TAOK3: variants seen among roughly 807,000 people sequenced by gnomAD.
The protein encoded by TAOK3 is TAO kinase 3.
A neutral mutation model predicts 120.4 loss-of-function variants in TAOK3; 40 were observed. That is an observed-to-expected ratio of 0.33 (90% CI 0.26 to 0.43). The LOEUF (loss-of-function observed/expected upper bound fraction) is 0.43, where lower values mean the gene tolerates loss of function less well. Among genes scored for constraint, TAOK3 ranks in the 20% least tolerant of loss-of-function variants. The probability of loss-of-function intolerance (pLI) is 1.00; values close to 1 mark genes in which losing one functional copy is unlikely to be tolerated. For missense variants in TAOK3, 821 were observed against 1,112.1 expected (o/e 0.74, Z 3.72); for synonymous variants, 355 against 387.5 (o/e 0.92, Z 0.99).
intron 3 of TAOK3, among the ~76,000 whole-genome samples, chr12:118,250,288 G>A (rs1054977644): frequency 6.6e-5 from 10 of 151,968 alleles, no homozygotes; most frequent in African/African-American, 9.7e-5. Flanking sequence ...AATTACTTAC[G>A]TAAATCCAAA....
At chr12:118,193,960 T>C (rs353893) in intron 13 of TAOK3, among the ~76,000 whole-genome samples, 109,741 of 152,126 alleles carry the variant, frequency 0.72, 39,682 homozygotes, top group South Asian at 0.77. Flanking sequence ...ACTTAGTAGG[T>C]ATTCAGTAAA....
intron 19 of TAOK3, among the ~76,000 whole-genome samples, chr12:118,156,898 C>G (rs536007721): frequency 1.3e-5 from 2 of 152,162 alleles, no homozygotes; most frequent in Admixed American, 6.5e-5. Flanking sequence ...TGCCACCAAG[C>G]CCAACTGATT....
intron 1 of TAOK3, among the ~76,000 whole-genome samples, chr12:118,295,899 T>C (rs777577381): frequency 5.2e-4 from 79 of 152,226 alleles, no homozygotes; most frequent in Non-Finnish European, 8.4e-4. Flanking sequence ...ATCATTGTTC[T>C]AGTATTAAAA....
At chr12:118,198,596 A>G (rs372717549) in intron 13 of TAOK3, 74 of 172,542 alleles carry the variant, frequency 4.3e-4, no homozygotes, top group Middle Eastern at 3.0e-3. Context: ...CATGTTGGCC[A>G]GGCTGGTCTC....
chr12:118,355,275 A>C (rs1187859985), intron 1 of TAOK3, among the ~76,000 whole-genome samples: 1 of 152,228 alleles, frequency 6.6e-6, no homozygotes. Flanking sequence ...TAAAATCTTA[A>C]GACACAGTCC....
At chr12:118,192,744 A>C (rs1235020061) in intron 13 of TAOK3, among the ~76,000 whole-genome samples, 1 of 152,250 alleles carries the variant, frequency 6.6e-6, no homozygotes. Context: ...AGAGACCACT[A>C]TACCTGGCTC....
At chr12:118,351,371 C>T (rs1470992541) in intron 1 of TAOK3, among the ~76,000 whole-genome samples, 3 of 152,034 alleles carry the variant, frequency 2.0e-5, no homozygotes, top group African/African-American at 7.2e-5. Context: ...AAACATAGTC[C>T]TATTCAGCAC....
At chr12:118,191,150 G>C (rs926409174) in intron 13 of TAOK3, among the ~76,000 whole-genome samples, 1 of 152,092 alleles carries the variant, frequency 6.6e-6, no homozygotes, top group Non-Finnish European at 1.5e-5. Context: ...TTTTATTATA[G>C]TCCAAAATTT....
chr12:118,365,158 G>A (rs1372155279), intron 1 of TAOK3, among the ~76,000 whole-genome samples: 1 of 152,196 alleles, frequency 6.6e-6, no homozygotes, highest in Admixed American at 6.5e-5. Flanking sequence ...ACTGTATCTT[G>A]CTGTTTTTTA....
chr12:118,178,180 G>C (rs2036467631), intron 15 of TAOK3, among the ~76,000 whole-genome samples: 1 of 152,144 alleles, frequency 6.6e-6, no homozygotes, highest in South Asian at 2.1e-4. Flanking sequence ...TCAAATGCTT[G>C]GCCTCAAGCT....
At chr12:118,324,084 C>T (rs1376510838) in intron 1 of TAOK3, among the ~76,000 whole-genome samples, 1 of 152,012 alleles carries the variant, frequency 6.6e-6, no homozygotes, top group African/African-American at 2.4e-5. Context: ...TGATATAAAT[C>T]TGGAAGATGG....
At chr12:118,347,585 C>T (rs1329109439) in intron 1 of TAOK3, among the ~76,000 whole-genome samples, 1 of 152,198 alleles carries the variant, frequency 6.6e-6, no homozygotes, top group Non-Finnish European at 1.5e-5. Context: ...CATCTCCTTA[C>T]AAGGTTGTTT....
At chr12:118,256,907 G>A (rs536274026) in intron 2 of TAOK3, among the ~76,000 whole-genome samples, 1 of 152,254 alleles carries the variant, frequency 6.6e-6, no homozygotes, top group East Asian at 1.9e-4. Flanking sequence ...GGTATAGAAT[G>A]TAAATTATAT....
intron 13 of TAOK3, among the ~76,000 whole-genome samples, chr12:118,194,753 T>TC (rs2037623561): frequency 6.6e-6 from 1 of 151,790 alleles, no homozygotes; most frequent in Non-Finnish European, 1.5e-5. Flanking sequence ...TGGCTTTTTT[T>TC]CCCCCTCCAC....
At chr12:118,251,664 G>C (rs1286631119) in intron 3 of TAOK3, among the ~76,000 whole-genome samples, 1 of 152,070 alleles carries the variant, frequency 6.6e-6, no homozygotes, top group Non-Finnish European at 1.5e-5. Context: ...AAATAGACAG[G>C]GCTTAGCCCA....
intron 1 of TAOK3, among the ~76,000 whole-genome samples, chr12:118,303,626 T>C (rs2042950692): frequency 6.6e-6 from 1 of 152,182 alleles, no homozygotes. Flanking sequence ...CATATTACTT[T>C]TTAATTTTTC....
intron 9 of TAOK3, among the ~76,000 whole-genome samples, chr12:118,226,014 T>C (rs1231400695): frequency 3.9e-5 from 6 of 152,042 alleles, no homozygotes; most frequent in African/African-American, 1.4e-4. Context: ...CCGAGGTGGG[T>C]GGATCATTTG....
At chr12:118,345,379 C>A (rs2044810983) in intron 1 of TAOK3, among the ~76,000 whole-genome samples, 1 of 152,050 alleles carries the variant, frequency 6.6e-6, no homozygotes, top group Admixed American at 6.6e-5. Context: ...CAAAAGGGTT[C>A]ATAACCAAGA....
At chr12:118,178,523 T>A (rs375071545) in intron 15 of TAOK3, among the ~76,000 whole-genome samples, 1 of 152,272 alleles carries the variant, frequency 6.6e-6, no homozygotes, top group East Asian at 1.9e-4. Context: ...GGTGGCATGA[T>A]CTCGGCTCAC....
Sources: gnomAD v4.1 joint callset for allele counts (sites outside exome capture counted in the v4.1 genomes callset) on GRCh38, gnomAD v4.1.1 for gene constraint, MANE v1.5 for transcripts, NCBI Gene and HGNC (gene_info 2026-07-23, HGNC 2026-07-21) for gene names.